KIAA0825: variants seen among roughly 807,000 people sequenced by gnomAD.
The protein encoded by KIAA0825 is uncharacterized protein KIAA0825.
In KIAA0825, 119 loss-of-function variants were observed where a neutral mutation model predicts 147.6. The ratio of observed to expected loss-of-function variants is 0.81; its 90% confidence interval spans 0.69 to 0.94. The LOEUF (loss-of-function observed/expected upper bound fraction) is 0.94, where lower values mean the gene tolerates loss of function less well. Among genes scored for constraint, KIAA0825 ranks in the 40% least tolerant of loss-of-function variants. KIAA0825 has a pLI of 0.00. For synonymous variants in KIAA0825, 470 were observed against 518.1 expected (o/e 0.91, Z 1.26); for missense variants, 1,381 against 1,472.7 (o/e 0.94, Z 1.02).
At chr5:94,256,312 G>A (rs1433148619) in intron 20 of KIAA0825, among the ~76,000 whole-genome samples, 2 of 152,050 alleles carry the variant, frequency 1.3e-5, no homozygotes, top group African/African-American at 4.8e-5. Context: ...TTAAATCTCT[G>A]GTATTGGGGT....
At chr5:94,248,380 A>G (rs1042932292) in intron 20 of KIAA0825, among the ~76,000 whole-genome samples, 1 of 152,094 alleles carries the variant, frequency 6.6e-6, no homozygotes, top group Non-Finnish European at 1.5e-5. Context: ...AGATTCTGTC[A>G]CAGGACCCCA....
At chr5:94,337,033 A>T (rs1781879668) in intron 20 of KIAA0825, among the ~76,000 whole-genome samples, 1 of 152,216 alleles carries the variant, frequency 6.6e-6, no homozygotes, top group South Asian at 2.1e-4. Context: ...CCTCAAAAAC[A>T]TTACCACAGA....
chr5:94,290,450 C>A (rs1270693499), intron 20 of KIAA0825, among the ~76,000 whole-genome samples: 1 of 152,166 alleles, frequency 6.6e-6, no homozygotes, highest in African/African-American at 2.4e-5. Flanking sequence ...CATGTCCCTG[C>A]AAAGGACACA....
chr5:94,589,031 G>C (rs1783843741), intron 1 of KIAA0825, among the ~76,000 whole-genome samples: 1 of 152,144 alleles, frequency 6.6e-6, no homozygotes, highest in African/African-American at 2.4e-5. Context: ...CGGGTGGAGG[G>C]CTGGGGGAGG....
chr5:94,555,615 C>G (rs1275120269), intron 2 of KIAA0825, among the ~76,000 whole-genome samples: 1 of 152,130 alleles, frequency 6.6e-6, no homozygotes, highest in Admixed American at 6.5e-5. Flanking sequence ...GACAAGCAAA[C>G]AGAATTAATT....
At position 94,449,414 on chromosome 5, in the gene KIAA0825, A is replaced by G. The variant is rs375392435; in HGVS notation, c.2357+3545T>C. On this transcript the variant is annotated intron_variant, in intron 13 of 20. Transcript: ENST00000682413. ...TGGGGTGGAGAGAAAGGGTGATTCT[A>G]AGAGAATTTTGGAAGAAAAATGAAC... Among the ~76,000 whole-genome samples the G allele has an allele frequency of 1.2e-3, 181 of 152,318 alleles. 2 individuals carry two copies. Among genetic ancestry groups the G allele is most frequent in the African/African-American group, 4.2e-3 (176 of 41,574 alleles).
At chr5:94,309,481 A>C (rs190223435) in intron 20 of KIAA0825, among the ~76,000 whole-genome samples, 1 of 151,758 alleles carries the variant, frequency 6.6e-6, no homozygotes, top group East Asian at 2.0e-4. Context: ...TTTCTGGTTA[A>C]AACCCCAAAA....
At chr5:94,378,818 CT>C (rs953561491) in intron 20 of KIAA0825, among the ~76,000 whole-genome samples, 65 of 152,242 alleles carry the variant, frequency 4.3e-4, no homozygotes, top group African/African-American at 1.5e-3. Context: ...GAGATGCTAT[CT>C]CATTGTGGCT....
chr5:94,600,805 C>CAAAA (rs1786268699), intron 1 of KIAA0825, among the ~76,000 whole-genome samples: 2 of 152,164 alleles, frequency 1.3e-5, no homozygotes, highest in African/African-American at 4.8e-5. Flanking sequence ...AAAAGTGTGA[C>CAAAA]CAGATTGCTT....
At chr5:94,544,775 A>G (rs1774004623) in intron 2 of KIAA0825, among the ~76,000 whole-genome samples, 1 of 152,196 alleles carries the variant, frequency 6.6e-6, no homozygotes, top group African/African-American at 2.4e-5. Context: ...AAATTGATGT[A>G]CAGAGTGTCA....
At chr5:94,494,632 T>C (rs1186930991) in intron 5 of KIAA0825, among the ~76,000 whole-genome samples, 2 of 152,206 alleles carry the variant, frequency 1.3e-5, no homozygotes, top group African/African-American at 4.8e-5. Context: ...TATATGCTAA[T>C]GGTACATTAT....
At chr5:94,192,636 C>T (rs1770775451) in intron 20 of KIAA0825, among the ~76,000 whole-genome samples, 1 of 152,046 alleles carries the variant, frequency 6.6e-6, no homozygotes, top group Non-Finnish European at 1.5e-5. Context: ...ACTACCCTTA[C>T]CTGCGCCAGT....
At chr5:94,567,219 ATTTGC>A (rs1013015676) in intron 2 of KIAA0825, among the ~76,000 whole-genome samples, 72 of 152,266 alleles carry the variant, frequency 4.7e-4, no homozygotes, top group African/African-American at 1.6e-3. Flanking sequence ...ATATCCTCCC[ATTTGC>A]AAGGTTTGTT....
At chr5:94,425,938 G>C (rs1206597634) in intron 14 of KIAA0825, among the ~76,000 whole-genome samples, 2 of 151,790 alleles carry the variant, frequency 1.3e-5, no homozygotes, top group East Asian at 3.9e-4. Context: ...GCTTTGACCT[G>C]CTGGGCTCAA....
In KIAA0825 at chr5:94,182,250, C is replaced by CTTTTTTT. The variant is rs771486226; in HGVS notation, c.3711-28133_3711-28127dup. On this transcript the variant is annotated intron_variant, in intron 20 of 20. Coordinates refer to ENST00000682413, the MANE Select transcript of KIAA0825 (RefSeq NM_001145678.3). ...CAAGACATAACTTAAAATGTCCCTT[C>CTTTTTTT]TTTTTTTTTTTTTTTTTTTTTTTTT... 1.0e-3 allele frequency among the ~76,000 whole-genome samples: 40 copies of CTTTTTTT among 38,270 alleles called. 12 individuals carry two copies. The highest frequency in any genetic ancestry group is 1.8e-3 in the South Asian group (1 of 556). The allele number at this position is 38,270 out of a possible 152,430, so 25.1% of individuals were successfully genotyped here.
At chr5:94,601,132 C>T (rs1360204554) in intron 1 of KIAA0825, among the ~76,000 whole-genome samples, 1 of 152,176 alleles carries the variant, frequency 6.6e-6, no homozygotes, top group African/African-American at 2.4e-5. Context: ...TGGATGACCC[C>T]AACTGGGGTC....
At chr5:94,202,336 T>C (rs1478679088) in intron 20 of KIAA0825, among the ~76,000 whole-genome samples, 1 of 152,168 alleles carries the variant, frequency 6.6e-6, no homozygotes, top group Non-Finnish European at 1.5e-5. Flanking sequence ...TAGCCTGCTA[T>C]ATTGTATTTG....
intron 16 of KIAA0825, among the ~76,000 whole-genome samples, chr5:94,398,335 G>A (rs1750942655): frequency 6.6e-6 from 1 of 152,078 alleles, no homozygotes; most frequent in African/African-American, 2.4e-5. Flanking sequence ...TCAGTCTCTT[G>A]AGCCTTGCTG....
intron 18 of KIAA0825, among the ~76,000 whole-genome samples, chr5:94,390,124 G>C (rs1285932575): frequency 6.6e-6 from 1 of 152,174 alleles, no homozygotes; most frequent in African/African-American, 2.4e-5. Context: ...CCGGATAACT[G>C]ATGGCCAATA....
Sources: gnomAD v4.1 joint callset for allele counts (sites outside exome capture counted in the v4.1 genomes callset) on GRCh38, gnomAD v4.1.1 for gene constraint, MANE v1.5 for transcripts, NCBI Gene and HGNC (gene_info 2026-07-23, HGNC 2026-07-21) for gene names.